GRK5: variants seen among roughly 807,000 people sequenced by gnomAD.
The protein encoded by GRK5 is G protein-coupled receptor kinase 5.
Under a neutral mutation model 78.4 loss-of-function variants are expected in GRK5, and 40 were observed. That is an observed-to-expected ratio of 0.51 (90% CI 0.40 to 0.66). The LOEUF (loss-of-function observed/expected upper bound fraction) is 0.66, where lower values mean the gene tolerates loss of function less well. Among genes scored for constraint, GRK5 ranks in the 30% least tolerant of loss-of-function variants. The probability of loss-of-function intolerance (pLI) is 0.00; values close to 1 mark genes in which losing one functional copy is unlikely to be tolerated. For missense variants in GRK5, 598 were observed against 759.9 expected (o/e 0.79, Z 2.50); for synonymous variants, 289 against 296.8 (o/e 0.97, Z 0.27).
chr10:119,296,695 T>A (rs544112921), intron 1 of GRK5, among the ~76,000 whole-genome samples: 1 of 152,230 alleles, frequency 6.6e-6, no homozygotes, highest in Admixed American at 6.5e-5. Flanking sequence ...GGCTTTGGCA[T>A]ATTATGGAGT....
At chr10:119,307,858 T>G (rs185787822) in intron 1 of GRK5, among the ~76,000 whole-genome samples, 98 of 152,184 alleles carry the variant, frequency 6.4e-4, no homozygotes, top group African/African-American at 2.2e-3. Context: ...CCTTGGCCAT[T>G]TCACAATTCA....
chr10:119,294,532 A>G (rs1817872485), intron 1 of GRK5, among the ~76,000 whole-genome samples: 1 of 152,210 alleles, frequency 6.6e-6, no homozygotes, highest in Non-Finnish European at 1.5e-5. Context: ...GGAAAGGGCC[A>G]AGACTCACCC....
intron 1 of GRK5, among the ~76,000 whole-genome samples, chr10:119,242,530 T>G (rs759347914): frequency 2.1e-4 from 31 of 149,292 alleles, no homozygotes; most frequent in Non-Finnish European, 3.9e-4. Context: ...GTGCCCAGTG[T>G]GTCTGCTGCA....
At chr10:119,366,881 A>G (rs1396531511) in intron 2 of GRK5, among the ~76,000 whole-genome samples, 1 of 152,192 alleles carries the variant, frequency 6.6e-6, no homozygotes, top group Non-Finnish European at 1.5e-5. Context: ...GCTGTCAGCA[A>G]GAGCTGAGTT....
chr10:119,269,144 T>C (rs1402286347), intron 1 of GRK5, among the ~76,000 whole-genome samples: 1 of 152,186 alleles, frequency 6.6e-6, no homozygotes. Flanking sequence ...AACAGAAACA[T>C]AGAAACAAAC....
chr10:119,404,437 A>T (rs556628816), intron 4 of GRK5, among the ~76,000 whole-genome samples: 1 of 152,214 alleles, frequency 6.6e-6, no homozygotes, highest in East Asian at 1.9e-4. Context: ...TATGACTTAC[A>T]CATATTTTCT....
At chr10:119,394,013 G>A (rs1302102491) in intron 3 of GRK5, among the ~76,000 whole-genome samples, 8 of 148,510 alleles carry the variant, frequency 5.4e-5, no homozygotes, top group Admixed American at 4.7e-4. Flanking sequence ...GTCTGGGGGG[G>A]TGCGGGTGTG....
At chr10:119,372,134 T>A (rs1564909001) in intron 2 of GRK5, among the ~76,000 whole-genome samples, 1 of 152,224 alleles carries the variant, frequency 6.6e-6, no homozygotes, top group Non-Finnish European at 1.5e-5. Context: ...AATTTCCCGC[T>A]GCTGAAAACC....
At chr10:119,366,616 C>T (rs544978972) in intron 2 of GRK5, among the ~76,000 whole-genome samples, 5 of 152,310 alleles carry the variant, frequency 3.3e-5, no homozygotes, top group Admixed American at 2.6e-4. Context: ...AGTTGATAGC[C>T]AGCCCCAAAG....
intron 2 of GRK5, among the ~76,000 whole-genome samples, chr10:119,359,539 C>T (rs992182716): frequency 2.6e-5 from 4 of 152,208 alleles, no homozygotes; most frequent in Non-Finnish European, 5.9e-5. Flanking sequence ...ACCCACGAAG[C>T]CTTCCTCAGA....
intron 1 of GRK5, among the ~76,000 whole-genome samples, chr10:119,300,451 G>A (rs1850158061): frequency 6.6e-6 from 1 of 152,188 alleles, no homozygotes; most frequent in Non-Finnish European, 1.5e-5. Context: ...TAAGCAGTCT[G>A]TATATTGGGG....
intron 1 of GRK5, among the ~76,000 whole-genome samples, chr10:119,291,516 CTCCTCCTCT>C (rs1335948453): frequency 4.6e-5 from 6 of 130,798 alleles, no homozygotes; most frequent in Non-Finnish European, 8.0e-5. Flanking sequence ...CTGCCTCCTC[CTCCTCCTCT>C]TCCTCCTCCT....
chr10:119,218,153 A>T (rs1294155348), intron 1 of GRK5, among the ~76,000 whole-genome samples: 1 of 151,228 alleles, frequency 6.6e-6, no homozygotes, highest in African/African-American at 2.4e-5. Context: ...GAGGCAAGGG[A>T]GTGTATAAGA....
chr10:119,395,396 C>T (rs1219488934), intron 3 of GRK5, among the ~76,000 whole-genome samples: 2 of 152,154 alleles, frequency 1.3e-5, no homozygotes, highest in Admixed American at 1.3e-4. Context: ...GGACCCTAGA[C>T]ACTGAGGTGT....
At chr10:119,209,020 G>A (rs1848437431) in intron 1 of GRK5, among the ~76,000 whole-genome samples, 1 of 152,094 alleles carries the variant, frequency 6.6e-6, no homozygotes, top group Non-Finnish European at 1.5e-5. Flanking sequence ...CAAGGTAGAA[G>A]GCAGACTGAG....
chr10:119,210,956 A>G (rs1320721817), intron 1 of GRK5, among the ~76,000 whole-genome samples: 1 of 152,234 alleles, frequency 6.6e-6, no homozygotes, highest in African/African-American at 2.4e-5. Context: ...AAGACATAAT[A>G]TAAAGTGGAA....
chr10:119,246,019 CAAAAAAAAAAAAAA>C (rs941734040), intron 1 of GRK5, among the ~76,000 whole-genome samples: 2 of 14,036 alleles, frequency 1.4e-4, no homozygotes, highest in African/African-American at 3.1e-4. Flanking sequence ...GACTCCATCT[CAAAAAAAAAAAAAA>C]AAAAAAAAAA....
chr10:119,372,537 C>A (rs1851562764), intron 2 of GRK5, among the ~76,000 whole-genome samples: 1 of 152,214 alleles, frequency 6.6e-6, no homozygotes, highest in South Asian at 2.1e-4. Flanking sequence ...TGAAACCCAA[C>A]TCAAACTAAC....
intron 1 of GRK5, among the ~76,000 whole-genome samples, chr10:119,260,818 C>T (rs1428001453): frequency 6.6e-6 from 1 of 151,658 alleles, no homozygotes; most frequent in Non-Finnish European, 1.5e-5. Context: ...TCTACACAGA[C>T]ACGGCAACCA....
Sources: allele counts gnomAD v4.1 joint callset (sites outside exome capture counted in the v4.1 genomes callset), GRCh38; gene constraint gnomAD v4.1.1; transcripts MANE v1.5; gene names NCBI Gene and HGNC (gene_info 2026-07-23, HGNC 2026-07-21).